Variants in MYO9A observed in about 807,000 individuals in gnomAD.
The protein encoded by MYO9A is unconventional myosin-IXa.
A neutral mutation model predicts 293.3 loss-of-function variants in MYO9A; 103 were observed. That is an observed-to-expected ratio of 0.35 (90% CI 0.30 to 0.41). The LOEUF is 0.41. Ranked by LOEUF, MYO9A falls within the 10% of genes least tolerant of loss-of-function variation. MYO9A has a pLI of 1.00. For synonymous variants in MYO9A, 1,001 were observed against 1,035.7 expected (o/e 0.97, Z 0.64); for missense variants, 2,685 against 3,033.0 (o/e 0.89, Z 2.69).
At chr15:72,085,089 A>G (rs1400072925) in intron 1 of MYO9A, among the ~76,000 whole-genome samples, 7 of 152,082 alleles carry the variant, frequency 4.6e-5, no homozygotes, top group South Asian at 2.1e-4. Context: ...AGCTTGACCT[A>G]TTCTGCTATT....
intron 1 of MYO9A, among the ~76,000 whole-genome samples, chr15:72,083,790 C>T (rs1317125138): frequency 2.0e-5 from 3 of 152,166 alleles, no homozygotes; most frequent in African/African-American, 7.2e-5. Context: ...TGTTTAATTT[C>T]CATGTAATTG....
Position 71,898,911 on chromosome 15 carries a change from A to G in MYO9A, c.3592T>C (p.Ser1198Pro). The change falls in exon 25 of 42, where the codon TCT becomes CCT. Residue 1198 changes from serine (S) to proline (P), a missense_variant. Physicochemically the swap from Ser to Pro is moderately conservative, Grantham distance 74 (BLOSUM62 -1). Transcript: ENST00000356056. ...ATGGCTTTTATTCTGTTGTCAAAAG[A>G]ACAATCCTCCCATCCTGAAGGGTCT... The part of the protein sequence containing the change: ...GSDPSGWEDC[S>P]FDNRIKAIEE... 1 of 1,614,114 alleles carries G rather than the reference A, an allele frequency of 6.2e-7. No individual in the cohort carries two copies. The highest frequency in any genetic ancestry group is 8.5e-7 in the Non-Finnish European group (1 of 1,179,998).
At chr15:71,967,349 C>A (rs2075903868) in intron 13 of MYO9A, among the ~76,000 whole-genome samples, 2 of 152,110 alleles carry the variant, frequency 1.3e-5, no homozygotes, top group Non-Finnish European at 2.9e-5. Context: ...GTTCTGTGTT[C>A]AACAAATACT....
intron 1 of MYO9A, among the ~76,000 whole-genome samples, chr15:72,059,390 G>A (rs2078815264): frequency 6.6e-6 from 1 of 152,204 alleles, no homozygotes; most frequent in African/African-American, 2.4e-5. Context: ...TGCTGAGTGT[G>A]TAAATATAAT....
rs142432028 is a variant in MYO9A, at chr15:71,981,641, G to GTCTCTCTCTCTC, written c.1723-3361_1723-3350dup. Among the ~76,000 whole-genome samples, 26 of 144,498 alleles carry GTCTCTCTCTCTC rather than the reference G, an allele frequency of 1.8e-4. No homozygotes were observed. In the East Asian group the frequency reaches 3.4e-3, roughly 19 times the overall value. 94.8% of individuals were successfully genotyped at this position (144,498 alleles called of 152,430 possible). A position where few individuals can be genotyped will look rare whatever the true frequency, so the allele number is the denominator to read the frequency against. ...TTATTTATATCCCTCTCTCTGTCTT[G>GTCTCTCTCTCTC]TCTCTCTCTCTCTCTCTCTCTCTCT... On this transcript the variant is annotated intron_variant, in intron 11 of 41. Transcript: ENST00000356056.
intron 39 of MYO9A, chr15:71,847,400 A>C (rs143661041): frequency 2.2e-6 from 1 of 449,472 alleles, no homozygotes; most frequent in South Asian, 1.6e-5. Context: ...GACACATTGC[A>C]TTATTAATAC....
At chr15:71,925,307 GTATATACGTATATGTACA>G (rs55854011) in intron 18 of MYO9A, among the ~76,000 whole-genome samples, 93,606 of 147,822 alleles carry the variant, frequency 0.63, 31,128 homozygotes, top group Middle Eastern at 0.74. Context: ...ACATATATAC[GTATATACGTATATGTACA>G]TATATACGTA....
In MYO9A at chr15:71,898,137, T is replaced by C; in HGVS notation, c.4366A>G (p.Thr1456Ala). The change falls in exon 25 of 42, where the codon ACT (threonine) becomes GCT (alanine). Residue 1456 changes from threonine to alanine, a missense_variant. This residue lies in a region of MYO9A where 1,434 missense variants were observed against 1,497.7 expected (regional missense o/e 0.96). Coordinates refer to ENST00000356056, the MANE Select transcript of MYO9A (RefSeq NM_006901.4). ...CTAGTTTCCCTGTTGATATCCAAAG[T>C]AAGAGCTTCCCCCGCTGTGTCTTCA... ...ENEDTAGEAL[T>A]LDINRETRRY... is the part of the protein sequence containing the mutation. 2 of 1,614,174 alleles carry C rather than the reference T, an allele frequency of 1.2e-6. No homozygotes were observed. The highest frequency in any genetic ancestry group is 1.7e-6 in the Non-Finnish European group (2 of 1,180,020).
rs2054482615 is a variant in MYO9A, at chr15:71,826,030, T to C, written c.*550A>G. 1 of 135,910 alleles carries C rather than the reference T, an allele frequency of 7.4e-6. No individual in the cohort carries two copies. The highest frequency in any genetic ancestry group is 2.6e-4 in the East Asian group (1 of 3,856). The allele number at this position is 135,910 out of a possible 1,614,324, so 8.4% of individuals were successfully genotyped here. Reference sequence around the variant, plus strand: ...TTTTGTTTTTTTTTTTTGTTTTTGCTTTCCCCAGAATATAACATGGAGTGT... The same window carrying C: ...TTTTGTTTTTTTTTTTTGTTTTTGCCTTCCCCAGAATATAACATGGAGTGT... On this transcript the variant is annotated 3_prime_UTR_variant, in exon 42 of 42. Coordinates refer to ENST00000356056, the MANE Select transcript of MYO9A (RefSeq NM_006901.4).
intron 33 of MYO9A, among the ~76,000 whole-genome samples, chr15:71,862,032 G>A (rs551494967): frequency 2.0e-5 from 3 of 152,214 alleles, no homozygotes; most frequent in Non-Finnish European, 4.4e-5. Context: ...TCGGGAGGCT[G>A]AGGCAGGGAG....
chr15:71,856,255 G>A (rs1048534008), intron 34 of MYO9A, among the ~76,000 whole-genome samples: 1 of 152,004 alleles, frequency 6.6e-6, no homozygotes, highest in Non-Finnish European at 1.5e-5. Flanking sequence ...AGGTTGCAGT[G>A]AGCCAAGATC....
chr15:71,959,713 T>C, intron 14 of MYO9A, 188 bp downstream of exon 14: 1 of 591,316 alleles, frequency 1.7e-6, no homozygotes, highest in Non-Finnish European at 3.0e-6. Context: ...GTATAACTCT[T>C]TTACAGAAAA....
At chr15:71,893,445 C>T in intron 26 of MYO9A, 1 of 546,774 alleles carries the variant, frequency 1.8e-6, no homozygotes, top group Non-Finnish European at 3.2e-6. Flanking sequence ...AGTAAGTCAA[C>T]AAAGTCTCTT....
Position 71,830,188 on chromosome 15 carries a change from T to C in MYO9A, c.6961A>G (p.Ile2321Val), listed in dbSNP as rs750228639. 3.1e-6 allele frequency: 5 copies of C among 1,614,158 alleles called. No homozygotes were observed. The highest frequency in any genetic ancestry group is 3.3e-5 in the Admixed American group (2 of 60,020). The change falls in exon 40 of 42, where the codon ATC becomes GTC. Residue 2321 changes from isoleucine (I) to valine (V), a missense_variant. Around this residue, in one of 10 missense-constraint regions of MYO9A, gnomAD observed 350 missense variants for 328.9 expected, o/e 1.06. Coordinates refer to ENST00000356056, the MANE Select transcript of MYO9A (RefSeq NM_006901.4). The stretch of plus-strand genomic sequence containing the variant: ...ATAGCTGCTTGCTGCTGTTCTGTGA[T>C]GTCAGTCTCCATGGCTGCCTCACTA... ...LTSEAAMETD[I>V]TEQQQAAMQQ...
intron 19 of MYO9A, among the ~76,000 whole-genome samples, chr15:71,905,762 CAAAAAAAA>C (rs3086807): frequency 2.8e-4 from 20 of 71,908 alleles, no homozygotes; most frequent in South Asian, 7.8e-4. Flanking sequence ...GACTCTGTCT[CAAAAAAAA>C]AAAAAAAAAA....
chr15:71,895,034 C>T (rs2057284467), intron 25 of MYO9A, among the ~76,000 whole-genome samples: 1 of 152,140 alleles, frequency 6.6e-6, no homozygotes, highest in African/African-American at 2.4e-5. Flanking sequence ...GTCTAGGAGC[C>T]ATAAGAAATT....
chr15:72,053,198 G>C (rs577976584), intron 1 of MYO9A, among the ~76,000 whole-genome samples: 1 of 152,010 alleles, frequency 6.6e-6, no homozygotes, highest in Non-Finnish European at 1.5e-5. Context: ...TCAGGAGATC[G>C]AGACCAGCCT....
chr15:71,924,241 C>T (rs8039966), intron 18 of MYO9A, among the ~76,000 whole-genome samples: 3,677 of 151,332 alleles, frequency 0.024, 141 homozygotes, highest in African/African-American at 0.084. Context: ...TTATTATTAT[C>T]ATTATTGTTA....
In MYO9A at chr15:71,826,754, T is replaced by G; in HGVS notation, c.7473A>C (p.Gly2491=). 6.2e-7 allele frequency: 1 copy of G among 1,614,164 alleles called. No individual in the cohort carries two copies. The highest frequency in any genetic ancestry group is 8.5e-7 in the Non-Finnish European group (1 of 1,179,998). Residue 2491 remains glycine, a synonymous_variant, in exon 42 of 42, where the codon GGA becomes GGC. Transcript: ENST00000356056. ...LEDKPQFISR[G]TFNPEKGKQK... Reference sequence around the variant, plus strand: ...GTTTGCCCTTTTCCGGGTTGAAGGTTCCTCTGCTGATGAACTGAGGCTTGT... The same window carrying G: ...GTTTGCCCTTTTCCGGGTTGAAGGTGCCTCTGCTGATGAACTGAGGCTTGT...
Sources: allele counts gnomAD v4.1 joint callset (sites outside exome capture counted in the v4.1 genomes callset), GRCh38; gene constraint gnomAD v4.1.1; regional missense constraint gnomAD v4.1.1; transcripts MANE v1.5; gene names NCBI Gene and HGNC (gene_info 2026-07-23, HGNC 2026-07-21).